The following RASSF3 variants were observed in gnomAD, a reference collection of about 807,000 sequenced individuals.
RASSF3 encodes ras association domain-containing protein 3.
Under a neutral mutation model 19.9 loss-of-function variants are expected in RASSF3, and 19 were observed. The observed-to-expected ratio is 0.96, with a 90% CI of 0.67 to 1.40. RASSF3 has a LOEUF of 1.40. Among genes scored for constraint, RASSF3 ranks in the 40% most tolerant of loss-of-function variants. The probability of loss-of-function intolerance (pLI) is 0.00; values close to 1 mark genes in which losing one functional copy is unlikely to be tolerated. For synonymous variants in RASSF3, 110 were observed against 104.2 expected, an observed-to-expected ratio of 1.06 and a Z score of -0.34; for missense variants, 306 against 289.8, an observed-to-expected ratio of 1.06 and a Z score of -0.41.
intron 2 of RASSF3, among the ~76,000 whole-genome samples, chr12:64,571,554 C>A (rs569422421): frequency 1.3e-5 from 2 of 152,292 alleles, no homozygotes; most frequent in East Asian, 3.9e-4. Context: ...CCTGATCATT[C>A]AGCATTCTCC....
intron 1 of RASSF3, among the ~76,000 whole-genome samples, chr12:64,536,327 AGTAG>A (rs1384959255): frequency 6.6e-6 from 1 of 152,188 alleles, no homozygotes; most frequent in East Asian, 1.9e-4. Context: ...ACTTTTTTAA[AGTAG>A]GTTTTTAATG....
intron 1 of RASSF3, among the ~76,000 whole-genome samples, chr12:64,524,307 G>A (rs887433719): frequency 3.3e-5 from 5 of 150,956 alleles, no homozygotes; most frequent in African/African-American, 9.7e-5. Context: ...GGCTGATCTC[G>A]AACTCCTGAC....
rs4046189 is a variant in RASSF3 at position 64,561,715 on chromosome 12, C to CTTT, written c.294+20025_294+20027dup. Among the ~76,000 whole-genome samples the CTTT allele has an allele frequency of 8.5e-4, 109 of 127,610 alleles. 11 individuals carry two copies. The highest frequency in any genetic ancestry group is 1.0e-3 in the Non-Finnish European group (63 of 61,704). The allele number at this position is 127,610 out of a possible 152,430, so 83.7% of individuals were successfully genotyped here. A position where few individuals can be genotyped will look rare whatever the true frequency, so the allele number is the denominator to read the frequency against. ...TACTCTGCACCTCTTTAGCATTTAT[C>CTTT]TTTTTTTTTTTTTTTTTGAGATGGA... On this transcript the variant is annotated intron_variant, in intron 2 of 5. Transcript: ENST00000637125.
chr12:64,641,414 A>ACACACACACG, intron 1 of RASSF3, among the ~76,000 whole-genome samples: 2 of 142,100 alleles, frequency 1.4e-5, no homozygotes, highest in African/African-American at 5.6e-5. Context: ...ACACACACAC[A>ACACACACACG]CGCGCGCGCG....
chr12:64,648,443 A>T (rs540741749), intron 1 of RASSF3, among the ~76,000 whole-genome samples: 2 of 152,158 alleles, frequency 1.3e-5, no homozygotes, highest in Admixed American at 6.5e-5. Flanking sequence ...ATGGGAATAG[A>T]CAGAGGCTCC....
At chr12:64,609,860 AAAG>A (rs538108532), upstream of RASSF3, among the ~76,000 whole-genome samples, 263 of 152,328 alleles carry the variant, frequency 1.7e-3, no homozygotes, top group Middle Eastern at 3.4e-3. Flanking sequence ...CCCTCGCTAG[AAAG>A]AAGGGGAAAA....
At chr12:64,602,106 C>T (rs935611573) in intron 2 of RASSF3, among the ~76,000 whole-genome samples, 12 of 146,348 alleles carry the variant, frequency 8.2e-5, no homozygotes, top group African/African-American at 3.0e-4. Context: ...GACAGAGCGA[C>T]TTCGTCTCAG....
chr12:64,675,160 A>G (rs1050014239), intron 1 of RASSF3, among the ~76,000 whole-genome samples: 1 of 149,924 alleles, frequency 6.7e-6, no homozygotes, highest in African/African-American at 2.5e-5. Flanking sequence ...ATAATCCTCT[A>G]ATGAATAGAA....
upstream of RASSF3, among the ~76,000 whole-genome samples, chr12:64,606,097 T>C (rs1870187941): frequency 6.6e-6 from 1 of 152,024 alleles, no homozygotes; most frequent in Non-Finnish European, 1.5e-5. Flanking sequence ...GAAGAAGACA[T>C]AGTCTTTTTT....
Position 64,522,605 on chromosome 12 carries a change from C to T in RASSF3, c.169+15276C>T, listed in dbSNP as rs144804676. Among the ~76,000 whole-genome samples, 19 of 152,182 alleles carry T rather than the reference C, an allele frequency of 1.2e-4. No individual in the cohort carries two copies. The East Asian group carries it at 2.9e-3, about 23-fold the overall frequency. ...CTACCAGATTGTCTGAATGATCTGC[C>T]GCCTTAGATTTTTTTACTAAGAGGA... On this transcript the variant is annotated intron_variant, in intron 1 of 5. Coordinates refer to the RASSF3 transcript ENST00000637125.
intron 1 of RASSF3, among the ~76,000 whole-genome samples, chr12:64,641,206 G>C (rs1189472427): frequency 6.6e-6 from 1 of 151,706 alleles, no homozygotes; most frequent in Non-Finnish European, 1.5e-5. Context: ...GACCAGCCTG[G>C]GCAACATGAT....
At chr12:64,541,528 G>C (rs1422767630) in intron 1 of RASSF3, 1 of 398,186 alleles carries the variant, frequency 2.5e-6, no homozygotes, top group Non-Finnish European at 4.4e-6. Context: ...CCTGTTGGAT[G>C]AACAGAGAAC....
intron 1 of RASSF3, among the ~76,000 whole-genome samples, chr12:64,536,187 G>A (rs1429329848): frequency 2.0e-5 from 3 of 151,234 alleles, no homozygotes; most frequent in Non-Finnish European, 4.4e-5. Flanking sequence ...TTTTAGTAGA[G>A]ATGGGGTTTC....
intron 1 of RASSF3, among the ~76,000 whole-genome samples, chr12:64,644,221 C>A (rs1871648117): frequency 6.6e-6 from 1 of 152,104 alleles, no homozygotes; most frequent in Non-Finnish European, 1.5e-5. Flanking sequence ...TTCTAAATAT[C>A]CTATGCCTAA....
chr12:64,644,570 GC>G (rs1312285343), intron 1 of RASSF3, among the ~76,000 whole-genome samples: 1 of 151,976 alleles, frequency 6.6e-6, no homozygotes, highest in Admixed American at 6.6e-5. Flanking sequence ...GGTTGCACAT[GC>G]CTGTAGTTCC....
intron 1 of RASSF3, among the ~76,000 whole-genome samples, chr12:64,510,933 C>A (rs1185192013): frequency 6.6e-6 from 1 of 152,188 alleles, no homozygotes; most frequent in Non-Finnish European, 1.5e-5. Flanking sequence ...GCTTGTGGGA[C>A]TTCAGAGTCA....
chr12:64,619,502 C>T (rs1009345336), intron 1 of RASSF3, among the ~76,000 whole-genome samples: 1 of 152,086 alleles, frequency 6.6e-6, no homozygotes, highest in African/African-American at 2.4e-5. Context: ...CTACATGATT[C>T]AGTCAGCTAA....
At chr12:64,518,093 G>A (rs1045627254) in intron 1 of RASSF3, among the ~76,000 whole-genome samples, 4 of 151,978 alleles carry the variant, frequency 2.6e-5, no homozygotes, top group Admixed American at 6.6e-5. Flanking sequence ...ATAAAGAAGT[G>A]TTTTTAAAAT....
At chr12:64,643,545 C>T (rs1279650620) in intron 1 of RASSF3, among the ~76,000 whole-genome samples, 1 of 150,924 alleles carries the variant, frequency 6.6e-6, no homozygotes, top group East Asian at 1.9e-4. Flanking sequence ...GAGACCCCGT[C>T]TCTTAAAAAA....
Sources: allele counts gnomAD v4.1 joint callset (sites outside exome capture counted in the v4.1 genomes callset), GRCh38; gene constraint gnomAD v4.1.1; transcripts MANE v1.5; gene names NCBI Gene and HGNC (gene_info 2026-07-23, HGNC 2026-07-21).